SPAG16: variants seen among roughly 807,000 people sequenced by gnomAD.
The protein encoded by SPAG16 is sperm associated antigen 16.
A neutral mutation model predicts 80.4 loss-of-function variants in SPAG16; 86 were observed. The observed-to-expected ratio is 1.07, with a 90% CI of 0.90 to 1.28. The LOEUF (loss-of-function observed/expected upper bound fraction) is 1.28, where lower values mean the gene tolerates loss of function less well. Among genes scored for constraint, SPAG16 ranks in the 50% most tolerant of loss-of-function variants. The pLI is 0.00. For missense variants in SPAG16, 870 were observed against 765.3 expected (o/e 1.14, Z -1.61); for synonymous variants, 294 against 265.9 (o/e 1.11, Z -1.03).
intron 13 of SPAG16, among the ~76,000 whole-genome samples, chr2:214,039,842 C>A (rs1316944910): frequency 6.6e-6 from 1 of 152,216 alleles, no homozygotes; most frequent in Non-Finnish European, 1.5e-5. Flanking sequence ...ATTACTCAAA[C>A]AACCTCTCTG....
intron 15 of SPAG16, among the ~76,000 whole-genome samples, chr2:214,177,570 A>G (rs2057133379): frequency 1.3e-5 from 2 of 150,590 alleles, no homozygotes; most frequent in African/African-American, 2.4e-5. Context: ...TCCCAACTCT[A>G]TTTTTTAGGC....
At chr2:214,265,154 T>C (rs551469607) in intron 15 of SPAG16, among the ~76,000 whole-genome samples, 6 of 152,232 alleles carry the variant, frequency 3.9e-5, no homozygotes, top group African/African-American at 1.4e-4. Context: ...GGTAACAGTA[T>C]GTTAAGTTTT....
At position 213,557,799 on chromosome 2, in the gene SPAG16, C is replaced by G. The variant is rs1575965910; in HGVS notation, c.1070+67709C>G. Among the ~76,000 whole-genome samples the G allele has an allele frequency of 2.6e-5, 4 of 152,254 alleles. No homozygotes were observed. In the South Asian group the frequency reaches 8.3e-4, roughly 32 times the overall value. ...CTTCTTTTTTCAGATTCAACAAAATCTGCCTATTGACTTGTTTAATCCTAT... is the reference window on the plus strand; with the variant it reads ...CTTCTTTTTTCAGATTCAACAAAATGTGCCTATTGACTTGTTTAATCCTAT... On this transcript the variant is annotated intron_variant, in intron 10 of 15. Coordinates refer to ENST00000331683, the MANE Select transcript of SPAG16 (RefSeq NM_024532.5).
intron 9 of SPAG16, among the ~76,000 whole-genome samples, chr2:213,468,994 T>C (rs141664359): frequency 7.8e-4 from 119 of 152,214 alleles, no homozygotes; most frequent in African/African-American, 2.7e-3. Flanking sequence ...TGGCAGCTGA[T>C]TAGATTGTGC....
At chr2:214,396,527 ATAATC>A (rs1166434139) in intron 15 of SPAG16, among the ~76,000 whole-genome samples, 2 of 152,150 alleles carry the variant, frequency 1.3e-5, no homozygotes, top group Admixed American at 1.3e-4. Context: ...AGTGAAGAAA[ATAATC>A]TAATAAGCCC....
chr2:213,809,008 T>C (rs1277614324), intron 10 of SPAG16, among the ~76,000 whole-genome samples: 2 of 152,112 alleles, frequency 1.3e-5, no homozygotes, highest in Non-Finnish European at 2.9e-5. Flanking sequence ...AAGACAAAGA[T>C]GTAAAAGGGC....
At chr2:213,785,634 A>C (rs1425087176) in intron 10 of SPAG16, among the ~76,000 whole-genome samples, 4 of 152,212 alleles carry the variant, frequency 2.6e-5, no homozygotes, top group Non-Finnish European at 4.4e-5. Context: ...TCAGTAATGG[A>C]AATAATCCTT....
intron 13 of SPAG16, among the ~76,000 whole-genome samples, chr2:214,041,961 T>TA (rs2049032751): frequency 8.4e-6 from 1 of 119,294 alleles, no homozygotes; most frequent in African/African-American, 3.1e-5. Flanking sequence ...TGTGTATATA[T>TA]TTGTGTGTCT....
intron 9 of SPAG16, among the ~76,000 whole-genome samples, chr2:213,379,347 C>A (rs1299745242): frequency 1.3e-5 from 2 of 152,136 alleles, no homozygotes; most frequent in African/African-American, 2.4e-5. Context: ...AGTATTGTCA[C>A]CTAGTTCGTG....
chr2:214,221,158 G>A lies in SPAG16; in HGVS notation c.1720+71892G>A, dbSNP rs568736015. Among the ~76,000 whole-genome samples, 10 of 152,218 alleles carry A rather than the reference G, an allele frequency of 6.6e-5. No homozygotes were observed. In the South Asian group the frequency reaches 1.9e-3, roughly 28 times the overall value. ...TAGAAGTTTAACTACAGTTTGATATGCATATGAAATTCTATTTTATTGCCT... is the reference window on the plus strand; with the variant it reads ...TAGAAGTTTAACTACAGTTTGATATACATATGAAATTCTATTTTATTGCCT... On this transcript the variant is annotated intron_variant, in intron 15 of 15. Coordinates refer to ENST00000331683, the MANE Select transcript of SPAG16 (RefSeq NM_024532.5).
At chr2:214,101,639 C>T (rs2053040493) in intron 13 of SPAG16, among the ~76,000 whole-genome samples, 1 of 152,060 alleles carries the variant, frequency 6.6e-6, no homozygotes, top group Non-Finnish European at 1.5e-5. Flanking sequence ...TGGCAAACAG[C>T]CTCACTCACT....
intron 10 of SPAG16, among the ~76,000 whole-genome samples, chr2:213,498,454 T>G (rs1201091277): frequency 6.6e-6 from 1 of 152,172 alleles, no homozygotes; most frequent in East Asian, 1.9e-4. Flanking sequence ...TATCATTAAA[T>G]TTTTCATATT....
Position 213,336,988 on chromosome 2 carries a change from C to T in SPAG16, c.537-3175C>T, listed in dbSNP as rs369085078. The stretch of plus-strand genomic sequence containing the variant: ...AATTCCAACTGGCATCAGGTTGGTG[C>T]CCCTCTGGGACACAGCTTCCAGAGG... On this transcript the variant is annotated intron_variant, in intron 5 of 15. Coordinates refer to ENST00000331683, the MANE Select transcript of SPAG16 (RefSeq NM_024532.5). 1.6e-4 allele frequency among the ~76,000 whole-genome samples: 25 copies of T among 152,306 alleles called. 1 individual carries two copies. In the East Asian group the frequency reaches 3.9e-3, roughly 24 times the overall value.
chr2:214,164,281 A>G (rs2056565362), intron 15 of SPAG16, among the ~76,000 whole-genome samples: 1 of 152,164 alleles, frequency 6.6e-6, no homozygotes, highest in Non-Finnish European at 1.5e-5. Flanking sequence ...AGTGGTGATA[A>G]GTCTTATGAA....
chr2:213,580,751 A>G (rs2060271560), intron 10 of SPAG16, among the ~76,000 whole-genome samples: 1 of 152,176 alleles, frequency 6.6e-6, no homozygotes, highest in Non-Finnish European at 1.5e-5. Context: ...TGGATGATAT[A>G]TAATTTCTGT....
intron 11 of SPAG16, among the ~76,000 whole-genome samples, chr2:213,890,496 G>A (rs1386806459): frequency 1.3e-5 from 2 of 151,778 alleles, no homozygotes; most frequent in African/African-American, 4.8e-5. Context: ...GTAGGTAATG[G>A]GAAAAAAGTG....
intron 9 of SPAG16, among the ~76,000 whole-genome samples, chr2:213,478,112 T>C (rs1256950321): frequency 1.3e-5 from 2 of 152,206 alleles, no homozygotes; most frequent in Non-Finnish European, 2.9e-5. Context: ...TCTCCTTTTC[T>C]GTCTGCCATG....
chr2:213,594,100 C>T (rs2060805699), intron 10 of SPAG16, among the ~76,000 whole-genome samples: 1 of 152,014 alleles, frequency 6.6e-6, no homozygotes. Context: ...TATTAAACTT[C>T]AACTCTTTAG....
chr2:213,769,393 G>C (rs2069120661), intron 10 of SPAG16, among the ~76,000 whole-genome samples: 1 of 152,100 alleles, frequency 6.6e-6, no homozygotes, highest in Non-Finnish European at 1.5e-5. Flanking sequence ...CTCAGACTTT[G>C]AATTGACAGT....
Sources: gnomAD v4.1 joint callset for allele counts (sites outside exome capture counted in the v4.1 genomes callset) on GRCh38, gnomAD v4.1.1 for gene constraint, MANE v1.5 for transcripts, NCBI Gene and HGNC (gene_info 2026-07-23, HGNC 2026-07-21) for gene names.